FRMD3: variants seen among roughly 807,000 people sequenced by gnomAD.
The protein encoded by FRMD3 is FERM domain containing 3.
In FRMD3, 33 loss-of-function variants were observed where a neutral mutation model predicts 70.2. The ratio of observed to expected loss-of-function variants is 0.47; its 90% CI spans 0.36 to 0.63. The LOEUF is 0.63. Ranked by LOEUF, FRMD3 falls within the 20% of genes least tolerant of loss-of-function variation. The pLI, the probability that FRMD3 is intolerant of heterozygous loss-of-function variation, is 0.00. For missense variants in FRMD3, 632 were observed against 711.4 expected (o/e 0.89, Z 1.27); for synonymous variants, 279 against 255.9 (o/e 1.09, Z -0.86).
chr9:83,570,203 T>A, the FRMD3 span, among the ~76,000 whole-genome samples: 12 of 152,148 alleles, frequency 7.9e-5, 1 homozygote, highest in Admixed American at 2.0e-4. Flanking sequence ...ACAAAGCAGA[T>A]AGAGGTATCT....
At chr9:83,351,180 G>A (rs1302605625) in intron 3 of FRMD3, among the ~76,000 whole-genome samples, 1 of 152,086 alleles carries the variant, frequency 6.6e-6, no homozygotes, top group Non-Finnish European at 1.5e-5. Flanking sequence ...TACATAAGAA[G>A]AGCCACAGGG....
chr9:83,325,205 G>A (rs915069144), intron 6 of FRMD3, among the ~76,000 whole-genome samples: 1 of 151,988 alleles, frequency 6.6e-6, no homozygotes, highest in African/African-American at 2.4e-5. Context: ...TTACTTCATG[G>A]GTACAATGTA....
In FRMD3 at chr9:83,253,537, G is replaced by A. The variant is rs540231181; in HGVS notation, c.1196-5021C>T. The stretch of plus-strand genomic sequence containing the variant: ...AAATGCTCATCGTCACTGGCCATCA[G>A]AGAAATGCAAATCAAAACCACAATG... On this transcript the variant is annotated intron_variant, in intron 13 of 13. Transcript: ENST00000304195. Among the ~76,000 whole-genome samples, 163 of 152,314 alleles carry A rather than the reference G, an allele frequency of 1.1e-3. 1 individual carries two copies. The highest frequency in any genetic ancestry group is 3.7e-3 in the African/African-American group (152 of 41,564).
chr9:83,434,116 C>A (rs939576284), intron 1 of FRMD3, among the ~76,000 whole-genome samples: 1 of 152,208 alleles, frequency 6.6e-6, no homozygotes, highest in Non-Finnish European at 1.5e-5. Flanking sequence ...CTTCCTCAAG[C>A]TCACAGGCTT....
chr9:83,477,062 A>T (rs940290816), intron 1 of FRMD3, among the ~76,000 whole-genome samples: 1 of 152,172 alleles, frequency 6.6e-6, no homozygotes, highest in African/African-American at 2.4e-5. Flanking sequence ...AAATCAACTC[A>T]ATGGTTATGA....
the FRMD3 span, among the ~76,000 whole-genome samples, chr9:83,569,866 T>A: frequency 6.6e-6 from 1 of 152,238 alleles, no homozygotes; most frequent in Non-Finnish European, 1.5e-5. Context: ...TTCAATTGTA[T>A]TTCCCAGAAT....
chr9:83,290,655 C>T lies in FRMD3; in HGVS notation c.1143G>A (p.Gln381=), dbSNP rs1251991706. 1 of 1,614,018 alleles carries T rather than the reference C, an allele frequency of 6.2e-7. No homozygotes were observed. The highest frequency in any genetic ancestry group is 1.1e-5 in the South Asian group (1 of 91,072). ...KQLIINMEPL[Q]PLLPSPSEQE... ...GCTCGCTGGGGGAAGGAAGCAGGGG[C>T]TGCAGGGGTTCCATGTTAATGATGA... Residue 381 remains glutamine (Q), a synonymous_variant, in exon 13 of 14, where the codon CAG becomes CAA. Coordinates refer to ENST00000304195, the MANE Select transcript of FRMD3 (RefSeq NM_174938.6).
intron 1 of FRMD3, among the ~76,000 whole-genome samples, chr9:83,433,396 T>C (rs1022100289): frequency 3.3e-5 from 5 of 152,148 alleles, no homozygotes; most frequent in Admixed American, 6.5e-5. Context: ...CACAGAACTA[T>C]GCCTTGTCCC....
chr9:83,343,370 G>A, intron 4 of FRMD3, 83 bp from the exon 5 acceptor site: 4 of 910,468 alleles, frequency 4.4e-6, no homozygotes, highest in Non-Finnish European at 7.2e-6. Context: ...TAGCTCCCAT[G>A]GTGACCAGAG....
At chr9:83,577,503 T>C in the FRMD3 span, among the ~76,000 whole-genome samples, 2 of 152,022 alleles carry the variant, frequency 1.3e-5, no homozygotes, top group East Asian at 3.9e-4. Context: ...TGGATATCTA[T>C]CTACACAAAA....
intron 13 of FRMD3, among the ~76,000 whole-genome samples, chr9:83,269,561 T>C (rs191018420): frequency 6.6e-6 from 1 of 151,870 alleles, no homozygotes; most frequent in Non-Finnish European, 1.5e-5. Context: ...ACAAAAAAAT[T>C]AGCCAGGCGT....
At chr9:83,465,306 C>T (rs904987347) in intron 1 of FRMD3, among the ~76,000 whole-genome samples, 3 of 152,112 alleles carry the variant, frequency 2.0e-5, no homozygotes, top group African/African-American at 7.2e-5. Context: ...AACTCTAGTC[C>T]CAGGCAGGTG....
At chr9:83,316,747 A>G (rs1835594419) in intron 6 of FRMD3, among the ~76,000 whole-genome samples, 1 of 152,162 alleles carries the variant, frequency 6.6e-6, no homozygotes, top group African/African-American at 2.4e-5. Context: ...TCCTTTTGAT[A>G]AAGTAACAAT....
rs1827613213 is a variant in FRMD3 at position 83,450,352 on chromosome 9, T to TG, written c.148-60645_148-60644insC. ...GATCCCAACTGTCACCCTCAGTTTT[T>TG]TTTTTTTTTTTTTTTTTTATTATAC... On this transcript the variant is annotated intron_variant, in intron 1 of 13. Coordinates refer to ENST00000304195, the MANE Select transcript of FRMD3 (RefSeq NM_174938.6). 3.1e-5 allele frequency among the ~76,000 whole-genome samples: 4 copies of TG among 127,030 alleles called. No individual in the cohort carries two copies. The South Asian group carries it at 7.9e-4, about 25-fold the overall frequency. The allele number at this position is 127,030 out of a possible 152,430, so 83.3% of individuals were successfully genotyped here.
chr9:83,293,073 G>A lies in FRMD3; in HGVS notation c.1071-2346C>T, dbSNP rs373467322. ...TCCGGTGTGAGTGAGGAGAGAGCCA[G>A]GAGTGATCTCCCAAGGGAGGCAAGG... is the stretch of plus-strand genomic sequence containing the variant. On this transcript the variant is annotated intron_variant, in intron 12 of 13. Coordinates refer to ENST00000304195, the MANE Select transcript of FRMD3 (RefSeq NM_174938.6). 4.5e-4 allele frequency among the ~76,000 whole-genome samples: 69 copies of A among 152,326 alleles called. No individual in the cohort carries two copies. The South Asian group carries it at 0.013, about 30-fold the overall frequency.
At chr9:83,456,824 A>G (rs1265071782) in intron 1 of FRMD3, among the ~76,000 whole-genome samples, 1 of 152,132 alleles carries the variant, frequency 6.6e-6, no homozygotes, top group Non-Finnish European at 1.5e-5. Flanking sequence ...TACAAAAAAT[A>G]CAAAAATTAG....
intron 1 of FRMD3, among the ~76,000 whole-genome samples, chr9:83,465,690 C>A (rs1383567334): frequency 6.6e-6 from 1 of 152,108 alleles, no homozygotes; most frequent in Non-Finnish European, 1.5e-5. Context: ...AACAGTGGGA[C>A]CGGTATACAT....
chr9:83,525,323 T>A (rs2131550757), intron 1 of FRMD3, among the ~76,000 whole-genome samples: 1 of 152,344 alleles, frequency 6.6e-6, no homozygotes, highest in South Asian at 2.1e-4. Context: ...GATAAAACTC[T>A]ATTGTACATT....
At chr9:83,397,301 G>T (rs1825835120) in intron 1 of FRMD3, among the ~76,000 whole-genome samples, 1 of 152,088 alleles carries the variant, frequency 6.6e-6, no homozygotes, top group Non-Finnish European at 1.5e-5. Context: ...CTGATCACTG[G>T]AGGTATTTGA....
Sources: allele counts gnomAD v4.1 joint callset (sites outside exome capture counted in the v4.1 genomes callset), GRCh38; gene constraint gnomAD v4.1.1; transcripts MANE v1.5; gene names NCBI Gene and HGNC (gene_info 2026-07-23, HGNC 2026-07-21).